ECPAS: variants seen among roughly 807,000 people sequenced by gnomAD.
ECPAS encodes the protein Ecm29 proteasome adaptor and scaffold, also known as proteasome adapter and scaffold protein ECM29.
Under a neutral mutation model 255.1 loss-of-function variants are expected in ECPAS, and 70 were observed. That is an observed-to-expected ratio of 0.27 (90% CI 0.23 to 0.33). ECPAS has a LOEUF of 0.33. Ranked by LOEUF, ECPAS falls within the 10% of genes least tolerant of loss-of-function variation. The pLI is 1.00. For synonymous variants in ECPAS, 784 were observed against 775.0 expected (o/e 1.01, Z -0.19); for missense variants, 1,817 against 2,206.4 (o/e 0.82, Z 3.54).
At position 111,382,008 on chromosome 9, in the gene ECPAS, A is replaced by AACACACACACACACAC. The variant is rs72204951; in HGVS notation, c.3803+1187_3803+1202dup. Among the ~76,000 whole-genome samples the AACACACACACACACAC allele has an allele frequency of 5.6e-4, 82 of 147,124 alleles. 1 individual carries two copies. The Middle Eastern group carries it at 0.014, about 25-fold the overall frequency. On this transcript the variant is annotated intron_variant, in intron 35 of 49. Coordinates refer to ENST00000684092, the MANE Select transcript of ECPAS (RefSeq NM_001364929.1). ...ACTGAGTTCACGTTCAATTTTGTAA[A>AACACACACACACACAC]ACACACACACACACACACACACACA... is the stretch of plus-strand genomic sequence containing the variant.
At position 111,441,081 on chromosome 9, in the gene ECPAS, G is replaced by A. The variant is rs185859722; in HGVS notation, c.390-560C>T. ...GCAGGAGAATGGAGTGAACCCGGGA[G>A]GCGGAGCTTGCAGTGAGCCGAGATC... On this transcript the variant is annotated intron_variant, in intron 5 of 49. Coordinates refer to ENST00000684092, the MANE Select transcript of ECPAS (RefSeq NM_001364929.1). Among the ~76,000 whole-genome samples, 151 of 151,866 alleles carry A rather than the reference G, an allele frequency of 9.9e-4. 3 individuals carry two copies. The East Asian group carries it at 0.021, about 21-fold the overall frequency.
At chr9:111,377,785 G>T (rs1162212262) in intron 36 of ECPAS, among the ~76,000 whole-genome samples, 3 of 152,148 alleles carry the variant, frequency 2.0e-5, no homozygotes, top group Non-Finnish European at 4.4e-5. Flanking sequence ...GACCTTCTAT[G>T]GGATTACTTT....
intron 2 of ECPAS, among the ~76,000 whole-genome samples, chr9:111,462,566 G>A (rs982701232): frequency 6.6e-6 from 1 of 151,502 alleles, no homozygotes; most frequent in African/African-American, 2.4e-5. Context: ...AGATAAATGA[G>A]AACAAAGTAT....
chr9:111,395,135 A>G (rs893340094), intron 25 of ECPAS, among the ~76,000 whole-genome samples: 2 of 152,190 alleles, frequency 1.3e-5, no homozygotes, highest in Non-Finnish European at 2.9e-5. Context: ...CATTGATCAC[A>G]TTACTCCAGT....
In ECPAS at chr9:111,380,090, A is replaced by T. The variant is rs112923844; in HGVS notation, c.3804-1360T>A. Among the ~76,000 whole-genome samples, 13 of 152,360 alleles carry T rather than the reference A, an allele frequency of 8.5e-5. 1 individual carries two copies. The highest frequency in any genetic ancestry group is 2.6e-4 in the African/African-American group (11 of 41,594). The stretch of plus-strand genomic sequence containing the variant: ...TTACTTTGCCCAGATCCATCAAAGG[A>T]ATCACTATCAATGGCAGCTCTAGCC... On this transcript the variant is annotated intron_variant, in intron 35 of 49. Transcript: ENST00000684092.
At chr9:111,463,753 A>AG (rs1002477619) in intron 2 of ECPAS, among the ~76,000 whole-genome samples, 5 of 152,166 alleles carry the variant, frequency 3.3e-5, no homozygotes, top group African/African-American at 7.2e-5. Flanking sequence ...ACTACACATC[A>AG]GAAAAAAAAA....
At chr9:111,441,988 T>C (rs1036740457) in intron 5 of ECPAS, among the ~76,000 whole-genome samples, 23 of 152,342 alleles carry the variant, frequency 1.5e-4, no homozygotes, top group East Asian at 1.2e-3. Flanking sequence ...CAAGATAGAA[T>C]TGTTTTGATG....
In ECPAS at chr9:111,371,686, G is replaced by A; in HGVS notation, c.4672C>T (p.Pro1558Ser). ...IAKQTSSLVP[P>S]YLGMILTALL... Reference sequence around the variant, plus strand: ...GCGGTCAGTATCATTCCGAGATATGGAGGTACTAGAGAGCTAGTCTGTTTT... The same window carrying A: ...GCGGTCAGTATCATTCCGAGATATGAAGGTACTAGAGAGCTAGTCTGTTTT... Residue 1558 changes from proline to serine, a missense_variant, in exon 43 of 50, where the codon CCA (proline) becomes TCA (serine). By Grantham distance (74) the Pro-to-Ser change is moderately conservative. Transcript: ENST00000684092. 6.2e-7 allele frequency: 1 copy of A among 1,613,848 alleles called. No homozygotes were observed. Among genetic ancestry groups the A allele is most frequent in the Non-Finnish European group, 8.5e-7 (1 of 1,179,810 alleles).
intron 24 of ECPAS, among the ~76,000 whole-genome samples, chr9:111,401,451 A>T (rs552153842): frequency 6.6e-6 from 1 of 152,354 alleles, no homozygotes; most frequent in South Asian, 2.1e-4. Flanking sequence ...GCAATAAAAG[A>T]TCACAAGGCA....
At chr9:111,372,961 G>T (rs1196471382) in intron 41 of ECPAS, among the ~76,000 whole-genome samples, 1 of 152,108 alleles carries the variant, frequency 6.6e-6, no homozygotes, top group Non-Finnish European at 1.5e-5. Context: ...GAGCCCAGGA[G>T]GCTGAGGTTG....
chr9:111,443,308 TG>T (rs1204736077), intron 4 of ECPAS, among the ~76,000 whole-genome samples: 1 of 152,210 alleles, frequency 6.6e-6, no homozygotes, highest in African/African-American at 2.4e-5. Flanking sequence ...TGGAGTGCAA[TG>T]GCACAATCTC....
chr9:111,483,311 G>A (rs930036822), intron 1 of ECPAS, among the ~76,000 whole-genome samples: 5 of 151,808 alleles, frequency 3.3e-5, no homozygotes, highest in African/African-American at 1.2e-4. Context: ...GTGCAAACCT[G>A]AGGCCTACAA....
Position 111,373,227 on chromosome 9 carries a change from C to T in ECPAS, c.4279G>A (p.Asp1427Asn), listed in dbSNP as rs781035426. The change falls in exon 41 of 50, where the codon GAT (aspartate) becomes AAT (asparagine). Residue 1427 changes from aspartate (D) to asparagine (N), a missense_variant. Physicochemically the swap from Asp to Asn is conservative, Grantham distance 23. Coordinates refer to ENST00000684092, the MANE Select transcript of ECPAS (RefSeq NM_001364929.1). ...TGCAGGAGTTTTTCAGTGCTGCTAT[C>T]CCGTGAGGTCTGAAAAAGAAACAAT... Reference protein sequence around the residue: ...AMGHLVRTSRDSSTEKLLQKL... With the variant: ...AMGHLVRTSRNSSTEKLLQKL... 21 of 1,613,628 alleles carry T rather than the reference C, an allele frequency of 1.3e-5. No homozygotes were observed. Among genetic ancestry groups the T allele is most frequent in the African/African-American group, 2.7e-5 (2 of 74,882 alleles).
chr9:111,440,419 C>T lies in ECPAS; in HGVS notation c.492G>A (p.Val164=). 1 of 1,613,426 alleles carries T rather than the reference C, an allele frequency of 6.2e-7. No homozygotes were observed. Among genetic ancestry groups the T allele is most frequent in the Non-Finnish European group, 8.5e-7 (1 of 1,179,560 alleles). ...PFNLAEKPKT[V]QLLLDFMLDV... is the part of the protein sequence containing the mutation. ...CTAGCATGAAGTCCAAAAGCAGCTG[C>T]ACAGTCTTTGGTTTCTCAGCAAGAT... Residue 164 remains valine (V), a synonymous_variant, in exon 6 of 50, where the codon GTG becomes GTA. Transcript: ENST00000684092.
At chr9:111,461,380 G>A (rs964948023) in intron 2 of ECPAS, among the ~76,000 whole-genome samples, 4 of 152,054 alleles carry the variant, frequency 2.6e-5, no homozygotes, top group Non-Finnish European at 5.9e-5. Context: ...TGGGAGAACT[G>A]CTTGAGCCCA....
At position 111,370,424 on chromosome 9, in the gene ECPAS, G is replaced by T. The variant is rs1381607039; in HGVS notation, c.4974+11C>A. 1.4e-5 allele frequency: 21 copies of T among 1,537,856 alleles called. No homozygotes were observed. The highest frequency in any genetic ancestry group is 4.1e-5 in the African/African-American group (3 of 72,584). On this transcript the variant is annotated intron_variant, in intron 45 of 49. Transcript: ENST00000684092. Reference sequence around the variant, plus strand: ...AGTATAAACCAGAACTGAGGATACAGGTGGTATTACCTTCTTGATGAGAGG... The same window carrying T: ...AGTATAAACCAGAACTGAGGATACATGTGGTATTACCTTCTTGATGAGAGG...
At chr9:111,396,769 C>A (rs2098168247) in intron 25 of ECPAS, among the ~76,000 whole-genome samples, 1 of 152,148 alleles carries the variant, frequency 6.6e-6, no homozygotes, top group Admixed American at 6.5e-5. Flanking sequence ...CCAGGCTGGT[C>A]TCTAACTCCT....
chr9:111,404,606 C>G (rs1261527947), intron 24 of ECPAS, among the ~76,000 whole-genome samples: 5 of 149,184 alleles, frequency 3.4e-5, no homozygotes, highest in Non-Finnish European at 7.4e-5. Flanking sequence ...TAAGACATGC[C>G]TGCTTCCTCT....
At chr9:111,478,574 A>G (rs1200231416) in intron 1 of ECPAS, among the ~76,000 whole-genome samples, 1 of 152,054 alleles carries the variant, frequency 6.6e-6, no homozygotes. Context: ...ATAAAAGAGA[A>G]CCCTAACAGT....
Sources: gnomAD v4.1 joint callset for allele counts (sites outside exome capture counted in the v4.1 genomes callset) on GRCh38, gnomAD v4.1.1 for gene constraint, MANE v1.5 for transcripts, NCBI Gene and HGNC (gene_info 2026-07-23, HGNC 2026-07-21) for gene names.